Variants in PRKCE observed in about 807,000 individuals in gnomAD.
The protein encoded by PRKCE is protein kinase C epsilon.
In PRKCE, 16 loss-of-function variants were observed where a neutral mutation model predicts 85.4. The ratio of observed to expected loss-of-function variants is 0.19; its 90% CI spans 0.13 to 0.28. The LOEUF (loss-of-function observed/expected upper bound fraction) is 0.28, where lower values mean the gene tolerates loss of function less well. Among genes scored for constraint, PRKCE ranks in the 10% least tolerant of loss-of-function variants. The pLI is 1.00. For synonymous variants in PRKCE, 388 were observed against 371.5 expected (o/e 1.04, Z -0.51); for missense variants, 573 against 975.2 (o/e 0.59, Z 5.49).
At chr2:45,732,977 C>T (rs887542467) in intron 1 of PRKCE, among the ~76,000 whole-genome samples, 7 of 152,270 alleles carry the variant, frequency 4.6e-5, no homozygotes, top group South Asian at 2.1e-4. Flanking sequence ...TTTAGCTTTG[C>T]GGGCCACAGA....
intron 1 of PRKCE, among the ~76,000 whole-genome samples, chr2:45,673,005 C>T (rs538754221): frequency 6.6e-6 from 1 of 152,170 alleles, no homozygotes; most frequent in Admixed American, 6.5e-5. Context: ...CCAGCCTGGG[C>T]AGCAGAGCAA....
At chr2:45,757,911 A>G (rs1343991808) in intron 1 of PRKCE, among the ~76,000 whole-genome samples, 1 of 152,176 alleles carries the variant, frequency 6.6e-6, no homozygotes, top group East Asian at 1.9e-4. Flanking sequence ...AAACAAAAGG[A>G]ACTGCCTTTG....
At chr2:45,784,347 G>T (rs552253770) in intron 1 of PRKCE, among the ~76,000 whole-genome samples, 2 of 152,214 alleles carry the variant, frequency 1.3e-5, no homozygotes, top group Admixed American at 1.3e-4. Context: ...GTGTGGAACC[G>T]AACCTGCCAA....
chr2:45,901,664 G>A (rs1035982839), intron 2 of PRKCE, among the ~76,000 whole-genome samples: 11 of 152,166 alleles, frequency 7.2e-5, no homozygotes, highest in African/African-American at 1.7e-4. Flanking sequence ...CAGCTGATTC[G>A]TACAATGTGT....
intron 2 of PRKCE, among the ~76,000 whole-genome samples, chr2:45,854,037 G>A (rs1362129757): frequency 6.6e-6 from 1 of 152,160 alleles, no homozygotes; most frequent in East Asian, 1.9e-4. Flanking sequence ...ACTCCTCTGT[G>A]TCTTTCTATA....
intron 11 of PRKCE, among the ~76,000 whole-genome samples, chr2:46,110,814 A>C (rs1040291210): frequency 6.6e-6 from 1 of 151,952 alleles, no homozygotes; most frequent in African/African-American, 2.4e-5. Context: ...TTGTTTTTTA[A>C]TGTACACATT....
At chr2:45,958,865 C>T (rs1701193295) in intron 2 of PRKCE, among the ~76,000 whole-genome samples, 2 of 100,204 alleles carry the variant, frequency 2.0e-5, no homozygotes, top group African/African-American at 3.8e-5. Flanking sequence ...TAATAGAATC[C>T]TTTAGCCATC....
At chr2:45,946,034 G>A (rs56243155) in intron 2 of PRKCE, among the ~76,000 whole-genome samples, 21,828 of 152,284 alleles carry the variant, frequency 0.14, 1,841 homozygotes, top group South Asian at 0.22. Context: ...TAATGACTAG[G>A]GCTACTGTTA....
intron 2 of PRKCE, among the ~76,000 whole-genome samples, chr2:45,967,919 A>G (rs1477508823): frequency 6.6e-6 from 1 of 152,180 alleles, no homozygotes; most frequent in African/African-American, 2.4e-5. Flanking sequence ...ACTGGCAGAA[A>G]GGGGAGGTCA....
chr2:45,826,408 A>G (rs1417626618), intron 1 of PRKCE, among the ~76,000 whole-genome samples: 2 of 152,238 alleles, frequency 1.3e-5, no homozygotes, highest in Non-Finnish European at 2.9e-5. Flanking sequence ...ATTCACATGA[A>G]GTAGAATAAA....
rs1680513994 is a variant in PRKCE, at chr2:46,187,281, T to C, written c.*2400T>C. 1 of 152,410 alleles carries C rather than the reference T, an allele frequency of 6.6e-6. No individual in the cohort carries two copies. Among genetic ancestry groups the C allele is most frequent in the South Asian group, 2.1e-4 (1 of 4,824 alleles). The allele number at this position is 152,410 out of a possible 1,614,324, so 9.4% of individuals were successfully genotyped here. ...GCAAGTTTGCTGGGAAGTCAAATAA[T>C]ACATTCCACCTGGCAGCTGAAGGCA... On this transcript the variant is annotated 3_prime_UTR_variant, in exon 15 of 15. Transcript: ENST00000306156.
intron 2 of PRKCE, among the ~76,000 whole-genome samples, chr2:45,938,089 C>G (rs1699608258): frequency 6.6e-6 from 1 of 152,216 alleles, no homozygotes; most frequent in African/African-American, 2.4e-5. Flanking sequence ...CTCTGTTCCT[C>G]TTGGATTCTC....
chr2:45,975,014 C>T (rs1558906728), intron 2 of PRKCE, among the ~76,000 whole-genome samples: 1 of 152,164 alleles, frequency 6.6e-6, no homozygotes, highest in East Asian at 1.9e-4. Context: ...GTAAGGAGTG[C>T]AGGCCGTCCT....
intron 11 of PRKCE, among the ~76,000 whole-genome samples, chr2:46,108,170 G>A (rs1171654792): frequency 1.3e-5 from 2 of 152,122 alleles, no homozygotes; most frequent in Non-Finnish European, 2.9e-5. Context: ...TCAAGCAACC[G>A]AAAGCTCTTG....
intron 1 of PRKCE, among the ~76,000 whole-genome samples, chr2:45,785,849 G>A (rs1003723710): frequency 5.9e-5 from 9 of 152,176 alleles, no homozygotes; most frequent in African/African-American, 1.9e-4. Flanking sequence ...ACACCAGGAG[G>A]CCAAACTCGA....
Position 45,907,966 on chromosome 2 carries a change from T to C in PRKCE, c.412+64903T>C, listed in dbSNP as rs748088900. 6.6e-6 allele frequency among the ~76,000 whole-genome samples: 1 copy of C among 152,196 alleles called. No homozygotes were observed. The highest frequency in any genetic ancestry group is 1.5e-5 in the Non-Finnish European group (1 of 68,040). ...CCTTCTAGGATTCTGTCCGACTTCA[T>C]CCTTTTCAAATCTCTGAAGTGGGGA... is the stretch of plus-strand genomic sequence containing the variant. On this transcript the variant is annotated intron_variant, in intron 2 of 14. Coordinates refer to ENST00000306156, the MANE Select transcript of PRKCE (RefSeq NM_005400.3). This position sits in a 1 kb window ranked among gnomAD's most constrained non-coding sequence, Gnocchi z 4.5.
intron 11 of PRKCE, among the ~76,000 whole-genome samples, chr2:46,098,069 G>C (rs149142246): frequency 6.6e-6 from 1 of 152,298 alleles, no homozygotes; most frequent in Non-Finnish European, 1.5e-5. Flanking sequence ...GGAAATTCCT[G>C]ATTAAATTTG....
intron 1 of PRKCE, among the ~76,000 whole-genome samples, chr2:45,680,073 A>G (rs904923824): frequency 7.2e-5 from 11 of 152,256 alleles, no homozygotes; most frequent in African/African-American, 2.7e-4. Context: ...AGAGATGAAC[A>G]GGTTTATTGG....
intron 1 of PRKCE, chr2:45,840,407 G>A (rs532623767): frequency 1.3e-5 from 2 of 152,350 alleles, no homozygotes; most frequent in South Asian, 4.1e-4. Flanking sequence ...CACTAGTGGT[G>A]AGAATTCTGG....
Sources: gnomAD v4.1 joint callset for allele counts (sites outside exome capture counted in the v4.1 genomes callset) on GRCh38, gnomAD v4.1.1 for gene constraint, Gnocchi (gnomAD v3.1) non-coding constraint, MANE v1.5 for transcripts, NCBI Gene and HGNC (gene_info 2026-07-23, HGNC 2026-07-21) for gene names.